Variants in GRIA1 observed in about 807,000 individuals in gnomAD.
The protein encoded by GRIA1 is glutamate ionotropic receptor AMPA type subunit 1.
Under a neutral mutation model 99.2 loss-of-function variants are expected in GRIA1, and 31 were observed. The ratio of observed to expected loss-of-function variants is 0.31; its 90% CI spans 0.23 to 0.42. GRIA1 has a LOEUF of 0.42. Among genes scored for constraint, GRIA1 ranks in the 10% least tolerant of loss-of-function variants. GRIA1 has a pLI of 1.00. For missense variants in GRIA1, 782 were observed against 1,157.5 expected (o/e 0.68, Z 4.71); for synonymous variants, 438 against 432.4 (o/e 1.01, Z -0.16).
At chr5:153,742,996 T>C (rs1761916580) in intron 11 of GRIA1, among the ~76,000 whole-genome samples, 1 of 152,168 alleles carries the variant, frequency 6.6e-6, no homozygotes, top group African/African-American at 2.4e-5. Context: ...ACTTTGTGGG[T>C]GAGGAAATTG....
At chr5:153,605,674 C>T (rs1254275119) in intron 2 of GRIA1, among the ~76,000 whole-genome samples, 3 of 152,160 alleles carry the variant, frequency 2.0e-5, no homozygotes, top group African/African-American at 4.8e-5. Flanking sequence ...AATTTTAGCC[C>T]TCCTGGTGGG....
intron 2 of GRIA1, among the ~76,000 whole-genome samples, chr5:153,608,229 G>A (rs150013941): frequency 4.6e-5 from 7 of 152,122 alleles, no homozygotes; most frequent in East Asian, 1.9e-4. Flanking sequence ...GGTTAGTTGC[G>A]ATTCTTTTTT....
At chr5:153,723,822 GAC>G (rs1760279266) in intron 11 of GRIA1, among the ~76,000 whole-genome samples, 1 of 151,944 alleles carries the variant, frequency 6.6e-6, no homozygotes, top group Non-Finnish European at 1.5e-5. Flanking sequence ...GCAGGGCACA[GAC>G]AAACAAAAAG....
At chr5:153,783,316 CCTCT>C (rs1388925037) in intron 13 of GRIA1, among the ~76,000 whole-genome samples, 1 of 152,110 alleles carries the variant, frequency 6.6e-6, no homozygotes, top group African/African-American at 2.4e-5. Flanking sequence ...TCATTCATTC[CCTCT>C]GTTATCTTTT....
chr5:153,649,967 A>G (rs1044395682), intron 3 of GRIA1, among the ~76,000 whole-genome samples: 2 of 152,224 alleles, frequency 1.3e-5, no homozygotes, highest in Non-Finnish European at 2.9e-5. Context: ...AGGCTCTGCT[A>G]TGTATCAAAC....
intron 2 of GRIA1, among the ~76,000 whole-genome samples, chr5:153,633,472 G>T (rs1753121368): frequency 6.6e-6 from 1 of 152,150 alleles, no homozygotes; most frequent in African/African-American, 2.4e-5. Flanking sequence ...GGTGCAAAGG[G>T]AACTAAATAC....
At chr5:153,573,504 A>T (rs1184380181) in intron 2 of GRIA1, among the ~76,000 whole-genome samples, 1 of 152,138 alleles carries the variant, frequency 6.6e-6, no homozygotes, top group Non-Finnish European at 1.5e-5. Flanking sequence ...TATTATCATC[A>T]TCATTTTGAT....
At chr5:153,749,633 A>C (rs1415699521) in intron 11 of GRIA1, among the ~76,000 whole-genome samples, 1 of 152,188 alleles carries the variant, frequency 6.6e-6, no homozygotes, top group Non-Finnish European at 1.5e-5. Flanking sequence ...CAGACCCTTC[A>C]TGAGGGATCC....
intron 15 of GRIA1, among the ~76,000 whole-genome samples, chr5:153,808,629 G>T (rs1223172842): frequency 6.6e-6 from 1 of 152,132 alleles, no homozygotes; most frequent in Non-Finnish European, 1.5e-5. Context: ...TAGGATTCAG[G>T]CATCAGGGTT....
chr5:153,760,476 A>G (rs1330882330), intron 11 of GRIA1, among the ~76,000 whole-genome samples: 2 of 152,094 alleles, frequency 1.3e-5, no homozygotes, highest in Non-Finnish European at 2.9e-5. Context: ...CCAAGGAGAT[A>G]AAATATTTCT....
intron 14 of GRIA1, among the ~76,000 whole-genome samples, chr5:153,795,243 G>T (rs1019112172): frequency 1.3e-5 from 2 of 152,018 alleles, no homozygotes; most frequent in African/African-American, 4.8e-5. Flanking sequence ...GACGTTGCTG[G>T]TTACTCAAAG....
chr5:153,766,146 A>G (rs1291213423), intron 12 of GRIA1, among the ~76,000 whole-genome samples: 1 of 152,210 alleles, frequency 6.6e-6, no homozygotes, highest in Non-Finnish European at 1.5e-5. Flanking sequence ...CCTAACTCCA[A>G]GGCTAAAATC....
At chr5:153,633,251 C>G (rs1753107145) in intron 2 of GRIA1, among the ~76,000 whole-genome samples, 1 of 152,174 alleles carries the variant, frequency 6.6e-6, no homozygotes, top group South Asian at 2.1e-4. Context: ...GCCTTATACT[C>G]CCTTCTTCCT....
chr5:153,674,729 T>C, intron 6 of GRIA1, 68 bp downstream of exon 6: 1 of 1,474,110 alleles, frequency 6.8e-7, no homozygotes, highest in Non-Finnish European at 9.3e-7. Flanking sequence ...ATTTCTGAGC[T>C]GCATTAGTCT....
chr5:153,759,344 CAAAT>C (rs1458226658), intron 11 of GRIA1, among the ~76,000 whole-genome samples: 1 of 151,410 alleles, frequency 6.6e-6, no homozygotes, highest in African/African-American at 2.4e-5. Flanking sequence ...AGAAATGACT[CAAAT>C]AAATAAAATT....
chr5:153,810,586 CT>C (rs1176101965), intron 15 of GRIA1, among the ~76,000 whole-genome samples: 1 of 152,138 alleles, frequency 6.6e-6, no homozygotes, highest in Admixed American at 6.5e-5. Context: ...TTTAAAAGTT[CT>C]AGAACACTAA....
intron 13 of GRIA1, among the ~76,000 whole-genome samples, chr5:153,782,699 G>C (rs974513530): frequency 6.6e-6 from 1 of 152,144 alleles, no homozygotes; most frequent in Non-Finnish European, 1.5e-5. Flanking sequence ...CAGGGTGAAA[G>C]CTCTAGAAAG....
intron 2 of GRIA1, among the ~76,000 whole-genome samples, chr5:153,604,562 C>T (rs1285155273): frequency 6.6e-6 from 1 of 152,142 alleles, no homozygotes; most frequent in South Asian, 2.1e-4. Flanking sequence ...TGTCAGCCCC[C>T]AGGAATGCTC....
At chr5:153,712,658 C>G (rs910136279) in intron 11 of GRIA1, among the ~76,000 whole-genome samples, 1 of 144,208 alleles carries the variant, frequency 6.9e-6, no homozygotes, top group African/African-American at 2.6e-5. Flanking sequence ...ATGAAGGCAG[C>G]CTGAAATTGT....
Sources: gnomAD v4.1 joint callset for allele counts (sites outside exome capture counted in the v4.1 genomes callset) on GRCh38, gnomAD v4.1.1 for gene constraint, MANE v1.5 for transcripts, NCBI Gene and HGNC (gene_info 2026-07-23, HGNC 2026-07-21) for gene names.